Variants in ESRP1 observed in about 807,000 individuals in gnomAD.
ESRP1 encodes epithelial splicing regulatory protein 1.
ESRP1 carries 33 observed loss-of-function variants against 81.7 expected under a neutral mutation model. The ratio of observed to expected loss-of-function variants is 0.40; its 90% CI spans 0.31 to 0.54. ESRP1 has a LOEUF of 0.54. Among genes scored for constraint, ESRP1 ranks in the 20% least tolerant of loss-of-function variants. The pLI is 0.41. For missense variants in ESRP1, 672 were observed against 833.1 expected (o/e 0.81, Z 2.38); for synonymous variants, 320 against 303.3 (o/e 1.06, Z -0.57).
chr8:94,669,453 A>T (rs1431552294), intron 10 of ESRP1, among the ~76,000 whole-genome samples: 1 of 152,186 alleles, frequency 6.6e-6, no homozygotes, highest in African/African-American at 2.4e-5. Flanking sequence ...CTTTTTACCT[A>T]CTAGAATGCC....
intron 13 of ESRP1, among the ~76,000 whole-genome samples, chr8:94,689,722 A>G (rs1809297748): frequency 6.7e-6 from 1 of 149,338 alleles, no homozygotes; most frequent in South Asian, 2.1e-4. Flanking sequence ...ATCTTGGCCC[A>G]CTGCAACCTC....
chr8:94,677,453 T>G (rs2068005), intron 12 of ESRP1, among the ~76,000 whole-genome samples: 75,780 of 152,064 alleles, frequency 0.5, 20,599 homozygotes, highest in South Asian at 0.68. Context: ...AGAAGATGTT[T>G]GATAACCAGA....
intron 12 of ESRP1, among the ~76,000 whole-genome samples, chr8:94,677,352 C>T (rs527277007): frequency 6.6e-6 from 1 of 152,164 alleles, no homozygotes; most frequent in Non-Finnish European, 1.5e-5. Context: ...CTCAACTTAA[C>T]TCTTCTATTG....
At chr8:94,686,888 C>T (rs1809162039) in intron 13 of ESRP1, among the ~76,000 whole-genome samples, 1 of 152,046 alleles carries the variant, frequency 6.6e-6, no homozygotes, top group Non-Finnish European at 1.5e-5. Flanking sequence ...AAATTTCATG[C>T]TTAATCCTTA....
At chr8:94,641,502 G>T in intron 1 of ESRP1, 52 bp downstream of exon 1, 1 of 1,611,916 alleles carries the variant, frequency 6.2e-7, no homozygotes, top group Non-Finnish European at 8.5e-7. Context: ...AGAAGTTTGT[G>T]GTAGAGGTTT....
Position 94,706,029 on chromosome 8 carries a change from C to T in ESRP1, c.*140C>T. On this transcript the variant is annotated 3_prime_UTR_variant, in exon 16 of 16. Transcript: ENST00000433389. ...CTCAGGCTGCAGTATTTTCAGCAAA[C>T]TTGATTGGACAAACGGGCCTGTGCC... 7.4e-7 allele frequency: 1 copy of T among 1,351,756 alleles called. No homozygotes were observed. The highest frequency in any genetic ancestry group is 1.0e-6 in the Non-Finnish European group (1 of 995,964). 83.7% of individuals were successfully genotyped at this position (1,351,756 alleles called of 1,614,324 possible). A position where few individuals can be genotyped will look rare whatever the true frequency, so the allele number is the denominator to read the frequency against.
chr8:94,672,536 C>CTT (rs556057261), intron 11 of ESRP1, among the ~76,000 whole-genome samples: 7 of 145,978 alleles, frequency 4.8e-5, no homozygotes, highest in African/African-American at 1.2e-4. Context: ...AACTTTGGAA[C>CTT]TTTTTTTTTT....
At chr8:94,654,919 CAA>C (rs570390350) in intron 4 of ESRP1, among the ~76,000 whole-genome samples, 12 of 109,742 alleles carry the variant, frequency 1.1e-4, no homozygotes, top group Middle Eastern at 5.1e-3. Flanking sequence ...GATCCTGCCT[CAA>C]AAAAAAAAAA....
At chr8:94,689,017 G>A (rs1001528409) in intron 13 of ESRP1, among the ~76,000 whole-genome samples, 2 of 152,056 alleles carry the variant, frequency 1.3e-5, no homozygotes, top group African/African-American at 2.4e-5. Flanking sequence ...TTGAGAGGCC[G>A]AGGTGGGCAG....
At chr8:94,694,229 A>G (rs1319519446) in intron 14 of ESRP1, among the ~76,000 whole-genome samples, 1 of 152,226 alleles carries the variant, frequency 6.6e-6, no homozygotes, top group Non-Finnish European at 1.5e-5. Flanking sequence ...TGTTTGACTA[A>G]CAAACTTTTA....
At chr8:94,698,050 G>A (rs1809676547) in intron 15 of ESRP1, among the ~76,000 whole-genome samples, 1 of 152,016 alleles carries the variant, frequency 6.6e-6, no homozygotes, top group African/African-American at 2.4e-5. Flanking sequence ...CAAAGTGCTG[G>A]GATTATAGGC....
At position 94,706,145 on chromosome 8, in the gene ESRP1, A is replaced by G. The variant is rs912036774; in HGVS notation, c.*256A>G. On this transcript the variant is annotated 3_prime_UTR_variant, in exon 16 of 16. Transcript: ENST00000433389. ...ATGCAGCATACCTGGCTCTTTGCTG[A>G]TTGCAAATAGGCATTTAAAATGTGA... The G allele has an allele frequency of 8.7e-5, 47 of 539,850 alleles. No homozygotes were observed. Among genetic ancestry groups the G allele is most frequent in the African/African-American group, 8.3e-4 (43 of 52,014 alleles). 33.4% of individuals were successfully genotyped at this position (539,850 alleles called of 1,614,324 possible).
chr8:94,690,276 A>ATTTTTTTTTTTTTTTTT (rs373440584), intron 13 of ESRP1, among the ~76,000 whole-genome samples: 1 of 61,334 alleles, frequency 1.6e-5, no homozygotes, highest in African/African-American at 6.8e-5. Flanking sequence ...TGCCTGGCTA[A>ATTTTTTTTTTTTTTTTT]TTTTTTTTTT....
At chr8:94,695,447 T>A (rs1226433672) in intron 14 of ESRP1, among the ~76,000 whole-genome samples, 1 of 130,744 alleles carries the variant, frequency 7.6e-6, no homozygotes, top group Non-Finnish European at 1.6e-5. Flanking sequence ...CTCCACCTCC[T>A]GGGTTCAAGC....
In ESRP1 at chr8:94,668,044, G is replaced by A. The variant is rs1315956833; in HGVS notation, c.1027G>A (p.Val343Met). The stretch of plus-strand genomic sequence containing the variant: ...TTTCACGGCCACAGCTGAAGAAGTG[G>A]TGGCCTTCTTTGGACAGCATTGCCC... ...LPFTATAEEV[V>M]AFFGQHCPIT... is the part of the protein sequence containing the mutation. Residue 343 changes from valine (V) to methionine (M), a missense_variant, in exon 10 of 16, where the codon GTG becomes ATG. Physicochemically the swap from Val to Met is conservative, Grantham distance 21. Transcript: ENST00000433389. The A allele has an allele frequency of 1.1e-5, 18 of 1,613,874 alleles. No homozygotes were observed. Among genetic ancestry groups the A allele is most frequent in the Non-Finnish European group, 1.4e-5 (17 of 1,179,900 alleles).
intron 13 of ESRP1, among the ~76,000 whole-genome samples, chr8:94,686,489 T>G (rs1809146275): frequency 6.6e-6 from 1 of 152,178 alleles, no homozygotes; most frequent in African/African-American, 2.4e-5. Context: ...CTCACATCCC[T>G]TCAGCTCTTT....
chr8:94,660,694 A>G (rs545803259), intron 4 of ESRP1, among the ~76,000 whole-genome samples: 1 of 121,818 alleles, frequency 8.2e-6, no homozygotes, highest in East Asian at 3.0e-4. Context: ...CCTGGGCAAC[A>G]GAGCGAGACT....
chr8:94,649,960 T>C (rs1312787215), intron 4 of ESRP1, among the ~76,000 whole-genome samples: 1 of 152,160 alleles, frequency 6.6e-6, no homozygotes, highest in African/African-American at 2.4e-5. Context: ...GCAGAAAGTA[T>C]ATTGTTCCTA....
chr8:94,683,050 T>C (rs1808986784), intron 13 of ESRP1, among the ~76,000 whole-genome samples: 1 of 143,750 alleles, frequency 7.0e-6, no homozygotes, highest in Non-Finnish European at 1.5e-5. Context: ...GTTCAAGCAA[T>C]TCTCCTGCCT....
Sources: gnomAD v4.1 joint callset for allele counts (sites outside exome capture counted in the v4.1 genomes callset) on GRCh38, gnomAD v4.1.1 for gene constraint, MANE v1.5 for transcripts, NCBI Gene and HGNC (gene_info 2026-07-23, HGNC 2026-07-21) for gene names.